Variants in TNNI3K observed in about 807,000 individuals in gnomAD.
TNNI3K encodes the protein TNNI3 interacting kinase, also known as serine/threonine-protein kinase TNNI3K.
Under a neutral mutation model 114.5 loss-of-function variants are expected in TNNI3K, and 140 were observed. The ratio of observed to expected loss-of-function variants is 1.22; its 90% confidence interval spans 1.07 to 1.41. The LOEUF (loss-of-function observed/expected upper bound fraction) is 1.41, where lower values mean the gene tolerates loss of function less well. TNNI3K is among the 40% of genes most tolerant of loss of function. The pLI is 0.00. For synonymous variants in TNNI3K, 347 were observed against 347.5 expected, an observed-to-expected ratio of 1.00 and a Z score of 0.02; for missense variants, 1,125 against 1,007.6, an observed-to-expected ratio of 1.12 and a Z score of -1.58.
chr1:74,489,034 A>T (rs1286150127), intron 21 of TNNI3K, among the ~76,000 whole-genome samples, 155 bp from the exon 22 acceptor site: 1 of 152,232 alleles, frequency 6.6e-6, no homozygotes, highest in Non-Finnish European at 1.5e-5. Context: ...GCAAATGAAC[A>T]TTCAATTAAC....
intron 5 of TNNI3K, among the ~76,000 whole-genome samples, chr1:74,281,634 T>C (rs1443959011): frequency 2.6e-5 from 4 of 152,168 alleles, no homozygotes; most frequent in Non-Finnish European, 5.9e-5. Flanking sequence ...ATTCTTCTCA[T>C]AAATTTGTTA....
At chr1:74,347,919 T>C (rs1661107556) in intron 9 of TNNI3K, among the ~76,000 whole-genome samples, 1 of 152,240 alleles carries the variant, frequency 6.6e-6, no homozygotes, top group Non-Finnish European at 1.5e-5. Flanking sequence ...ATGAGTAGGT[T>C]GCAAAAATTT....
chr1:74,254,195 A>G (rs569637578), intron 4 of TNNI3K, among the ~76,000 whole-genome samples: 1 of 152,346 alleles, frequency 6.6e-6, no homozygotes, highest in South Asian at 2.1e-4. Context: ...AGTAAATTGT[A>G]TAAAACATGC....
At chr1:74,532,482 A>T (rs921588854) in intron 23 of TNNI3K, among the ~76,000 whole-genome samples, 1 of 151,208 alleles carries the variant, frequency 6.6e-6, no homozygotes. Context: ...TTTTTATTTT[A>T]TTATTATTAT....
intron 21 of TNNI3K, among the ~76,000 whole-genome samples, chr1:74,465,634 G>C (rs1667644257): frequency 1.3e-5 from 2 of 152,226 alleles, no homozygotes; most frequent in Admixed American, 1.3e-4. Flanking sequence ...CAAAGGCTGA[G>C]GAGTGCAGGC....
chr1:74,292,836 A>G (rs774023597), intron 5 of TNNI3K, among the ~76,000 whole-genome samples: 3 of 151,528 alleles, frequency 2.0e-5, no homozygotes, highest in Non-Finnish European at 4.4e-5. Flanking sequence ...TAGTTCTATA[A>G]GGTTTTGCCT....
intron 5 of TNNI3K, among the ~76,000 whole-genome samples, chr1:74,326,140 A>G (rs1659889178): frequency 6.6e-6 from 1 of 152,230 alleles, no homozygotes; most frequent in Non-Finnish European, 1.5e-5. Context: ...TACCACTTAA[A>G]GCAAAGAAAA....
chr1:74,522,495 G>A (rs45519732), intron 23 of TNNI3K, among the ~76,000 whole-genome samples: 3,638 of 152,178 alleles, frequency 0.024, 61 homozygotes, highest in Non-Finnish European at 0.034. Flanking sequence ...CGAGTTGCAT[G>A]ACTAATTCTC....
rs532221 is a variant in TNNI3K, at chr1:74,236,266, T to A, written c.149+56T>A. On this transcript the variant is annotated intron_variant, in intron 2 of 24. Coordinates refer to ENST00000326637, the MANE Select transcript of TNNI3K (RefSeq NM_015978.3). ...ATAAGTGTCTTCAGTATTCACCTTA[T>A]TTTTTAAAGTATCTGTATATTTTTT... The A allele has an allele frequency of 0.33, 488,612 of 1,460,014 alleles. 87,443 individuals are homozygous for A. Among genetic ancestry groups the A allele is most frequent in the East Asian group, 0.7 (29,792 of 42,436 alleles). 90.4% of individuals were successfully genotyped at this position (1,460,014 alleles called of 1,614,324 possible).
intron 5 of TNNI3K, among the ~76,000 whole-genome samples, chr1:74,328,205 A>G (rs1367248718): frequency 6.6e-6 from 1 of 152,146 alleles, no homozygotes; most frequent in African/African-American, 2.4e-5. Flanking sequence ...TTTAACAATT[A>G]TTGGATGCCT....
chr1:74,247,359 G>A (rs977079108), intron 2 of TNNI3K, among the ~76,000 whole-genome samples: 1 of 152,172 alleles, frequency 6.6e-6, no homozygotes, highest in African/African-American at 2.4e-5. Context: ...GAGTGAAGCT[G>A]CAGGCCTTCA....
rs117933862 is a variant in TNNI3K, at chr1:74,480,238, A to C, written c.2122-8951A>C. On this transcript the variant is annotated intron_variant, in intron 21 of 24. Coordinates refer to ENST00000326637, the MANE Select transcript of TNNI3K (RefSeq NM_015978.3). ...CCTTTAGAACCAGAGTGAAGTTGGG[A>C]GCTTTGGAATCACAGTTGGTCTCAG... The C allele has an allele frequency of 4.2e-3, 3,019 of 717,474 alleles. 79 individuals are homozygous for C. In the East Asian group the frequency reaches 0.062, roughly 15 times the overall value. 44.4% of individuals were successfully genotyped at this position (717,474 alleles called of 1,614,324 possible).
chr1:74,271,038 T>G, intron 4 of TNNI3K, among the ~76,000 whole-genome samples: 1 of 151,208 alleles, frequency 6.6e-6, no homozygotes, highest in East Asian at 1.9e-4. Flanking sequence ...ACGAGTCAAG[T>G]TAAGAAAGAT....
At chr1:74,236,259 C>T (rs972383185) in intron 2 of TNNI3K, 49 bp downstream of exon 2, 26 of 1,509,666 alleles carry the variant, frequency 1.7e-5, no homozygotes, top group African/African-American at 2.8e-5. Context: ...CTTCAGTATT[C>T]ACCTTATTTT....
intron 23 of TNNI3K, among the ~76,000 whole-genome samples, chr1:74,510,527 A>G (rs1198077858): frequency 6.6e-6 from 1 of 152,126 alleles, no homozygotes; most frequent in Non-Finnish European, 1.5e-5. Flanking sequence ...TAAAATGAGA[A>G]AAAAATTATT....
chr1:74,454,628 T>C (rs1040249162), intron 20 of TNNI3K, among the ~76,000 whole-genome samples: 1 of 152,186 alleles, frequency 6.6e-6, no homozygotes, highest in African/African-American at 2.4e-5. Context: ...CTGATGTACA[T>C]TTAGGCTGGT....
At chr1:74,465,809 G>A (rs966792773) in intron 21 of TNNI3K, among the ~76,000 whole-genome samples, 8 of 152,140 alleles carry the variant, frequency 5.3e-5, no homozygotes, top group African/African-American at 1.9e-4. Context: ...CTCAGGGACC[G>A]TAAACACACC....
At chr1:74,476,685 T>C (rs1668223413) in intron 21 of TNNI3K, among the ~76,000 whole-genome samples, 1 of 152,162 alleles carries the variant, frequency 6.6e-6, no homozygotes, top group African/African-American at 2.4e-5. Flanking sequence ...ATGGTGTCAG[T>C]ACAGATTGAA....
In TNNI3K at chr1:74,249,510, G is replaced by C; in HGVS notation, c.201G>C (p.Gly67=). The change falls in exon 3 of 25, where the codon GGG becomes GGC. Residue 67 remains glycine, a synonymous_variant. Transcript: ENST00000326637. ...KVNLNYRTEN[G]LSLLHLCCIC... is the part of the protein sequence containing the mutation. ...ATTTAAATTACCGCACTGAAAATGG[G>C]CTGTCTCTACTTCATTTATGTTGCA... 6.2e-7 allele frequency: 1 copy of C among 1,613,428 alleles called. No individual in the cohort carries two copies. The highest frequency in any genetic ancestry group is 8.5e-7 in the Non-Finnish European group (1 of 1,179,718).
Sources: gnomAD v4.1 joint callset for allele counts (sites outside exome capture counted in the v4.1 genomes callset) on GRCh38, gnomAD v4.1.1 for gene constraint, MANE v1.5 for transcripts, NCBI Gene and HGNC (gene_info 2026-07-23, HGNC 2026-07-21) for gene names.